Variants in ODAM observed in about 807,000 individuals in gnomAD.
ODAM encodes odontogenic ameloblast-associated protein.
ODAM carries 55 observed loss-of-function variants against 48.5 expected under a neutral mutation model. The observed-to-expected ratio is 1.13, with a 90% CI of 0.91 to 1.42. The LOEUF is 1.42. Ranked by LOEUF, ODAM falls within the 40% of genes most tolerant of loss-of-function variation. The probability of loss-of-function intolerance (pLI) is 0.00; values close to 1 mark genes in which losing one functional copy is unlikely to be tolerated. For missense variants in ODAM, 353 were observed against 323.6 expected (o/e 1.09, Z -0.70); for synonymous variants, 127 against 107.8 (o/e 1.18, Z -1.10).
rs1245276164 is a variant in ODAM, at chr4:70,204,490, T to G, written c.*345T>G. The G allele has an allele frequency of 1.3e-5, 2 of 151,986 alleles. No homozygotes were observed. Among genetic ancestry groups the G allele is most frequent in the South Asian group, 4.1e-4 (2 of 4,824 alleles). The allele number at this position is 151,986 out of a possible 1,614,324, so 9.4% of individuals were successfully genotyped here. On this transcript the variant is annotated 3_prime_UTR_variant, in exon 12 of 12. Coordinates refer to ENST00000683306, the MANE Select transcript of ODAM (RefSeq NM_017855.4). ...AAATGATGCCTCTGCAAAATGGTAG[T>G]ACCCATGAAGATATGTATATTGTCA...
At chr4:70,196,658 C>T (rs1384005556) in intron 2 of ODAM, 34 bp from the exon 3 acceptor site, 13 of 1,601,452 alleles carry the variant, frequency 8.1e-6, no homozygotes, top group African/African-American at 4.0e-5. Context: ...CTTCTTTTTA[C>T]TATTTCTGAT....
intron 6 of ODAM, 45 bp downstream of exon 6, chr4:70,198,671 C>T (rs1729433423): frequency 6.9e-7 from 1 of 1,439,154 alleles, no homozygotes; most frequent in Non-Finnish European, 9.7e-7. Context: ...GCTACATACA[C>T]TCTCCACAAT....
rs755172113 is a variant in ODAM, at chr4:70,202,333, A to G, written c.648+4A>G. 8.1e-6 allele frequency: 13 copies of G among 1,608,846 alleles called. No individual in the cohort carries two copies. The highest frequency in any genetic ancestry group is 1.3e-5 in the African/African-American group (1 of 74,698). On this transcript the variant is annotated splice_donor_region_variant and intron_variant, in intron 9 of 11. Transcript: ENST00000683306. The stretch of plus-strand genomic sequence containing the variant: ...AGCTCCTGAAATTGCTGTGATGGTA[A>G]GATTCCTTACAACACTTTGCCAGCT...
At chr4:70,202,975 G>A in intron 10 of ODAM, 58 bp downstream of exon 10, 1 of 1,486,010 alleles carries the variant, frequency 6.7e-7, no homozygotes, top group South Asian at 1.2e-5. Flanking sequence ...AAAATACAGT[G>A]ATAAAATTAG....
intron 8 of ODAM, 43 bp from the exon 9 acceptor site, chr4:70,202,215 A>G: frequency 6.8e-7 from 1 of 1,476,566 alleles, no homozygotes; most frequent in Non-Finnish European, 9.5e-7. Flanking sequence ...CATATTTTCA[A>G]CGATCACTGA....
At chr4:70,203,305 T>C (rs978449697) in intron 11 of ODAM, 91 bp downstream of exon 11, 16 of 705,254 alleles carry the variant, frequency 2.3e-5, no homozygotes, top group Admixed American at 1.6e-4. Flanking sequence ...GCTAATGGAG[T>C]TCTTACCAAA....
In ODAM at chr4:70,198,137, A is replaced by G. The variant is rs1729419378; in HGVS notation, c.355A>G (p.Thr119Ala). Residue 119 changes from threonine to alanine, a missense_variant, in exon 5 of 12, where the codon ACA (threonine) becomes GCA (alanine). By Grantham distance (58) the Thr-to-Ala change is moderately conservative. Coordinates refer to ENST00000683306, the MANE Select transcript of ODAM (RefSeq NM_017855.4). ...CTTACAGCTTCAAACACCGCCTCAG[A>G]CACAACCAGGCCCCAGTCACGTAAG... is the stretch of plus-strand genomic sequence containing the variant. ...DPLQLQTPPQ[T>A]QPGPSHVMPY... The G allele has an allele frequency of 1.9e-6, 3 of 1,613,012 alleles. No homozygotes were observed. Among genetic ancestry groups the G allele is most frequent in the Non-Finnish European group, 2.5e-6 (3 of 1,179,472 alleles).
chr4:70,197,891 G>A (rs1560482880), intron 4 of ODAM, 33 bp from the exon 5 acceptor site: 4 of 1,560,262 alleles, frequency 2.6e-6, no homozygotes, highest in Non-Finnish European at 3.5e-6. Context: ...TGGCATGAAG[G>A]GAACATGCTT....
At chr4:70,202,410 A>C in intron 9 of ODAM, 81 bp downstream of exon 9, 2 of 1,103,068 alleles carry the variant, frequency 1.8e-6, no homozygotes, top group South Asian at 1.3e-5. Context: ...TTTTAATATC[A>C]ACTCTGTTGT....
At chr4:70,201,662 G>T (rs1729496856) in intron 8 of ODAM, among the ~76,000 whole-genome samples, 161 bp downstream of exon 8, 1 of 151,866 alleles carries the variant, frequency 6.6e-6, no homozygotes, top group Admixed American at 6.6e-5. Flanking sequence ...ACACACACGT[G>T]GGGATTCTTG....
chr4:70,202,186 A>T, intron 8 of ODAM, 72 bp from the exon 9 acceptor site: 1 of 1,040,242 alleles, frequency 9.6e-7, no homozygotes, highest in Non-Finnish European at 1.5e-6. Context: ...CTACTCTGGT[A>T]CTCTGGGTGG....
rs374111066 is a variant in ODAM at position 70,200,470 on chromosome 4, C to T, written c.424-27C>T. ...GTCCTATGCTGATTTAATGGAATCT[C>T]TTGTATCCTTCTCTTTTTACAAGTA... is the stretch of plus-strand genomic sequence containing the variant. On this transcript the variant is annotated intron_variant, in intron 6 of 11. Transcript: ENST00000683306. The T allele has an allele frequency of 2.5e-5, 32 of 1,264,420 alleles. No homozygotes were observed. In the East Asian group the frequency reaches 2.8e-4, roughly 11 times the overall value. The allele number at this position is 1,264,420 out of a possible 1,614,324, so 78.3% of individuals were successfully genotyped here.
At chr4:70,197,424 C>A in intron 4 of ODAM, 103 bp downstream of exon 4, 2 of 775,302 alleles carry the variant, frequency 2.6e-6, no homozygotes, top group Non-Finnish European at 4.5e-6. Flanking sequence ...TTTTGGAAAT[C>A]TCAGTTTTTA....
At chr4:70,197,535 T>C (rs1729398446) in intron 4 of ODAM, among the ~76,000 whole-genome samples, 1 of 152,144 alleles carries the variant, frequency 6.6e-6, no homozygotes, top group Middle Eastern at 3.4e-3. Context: ...ACTTGGTATA[T>C]GCCAGGCACT....
At chr4:70,197,379 T>G (rs1729393286) in intron 4 of ODAM, 58 bp downstream of exon 4, 1 of 942,520 alleles carries the variant, frequency 1.1e-6, no homozygotes. Flanking sequence ...TCATTTATGT[T>G]ATTTTGTAAG....
rs1203601437 is a variant in ODAM at position 70,204,575 on chromosome 4, G to C, written c.*430G>C. 1 of 151,944 alleles carries C rather than the reference G, an allele frequency of 6.6e-6. No homozygotes were observed. The highest frequency in any genetic ancestry group is 6.6e-5 in the Admixed American group (1 of 15,210). 9.4% of individuals were successfully genotyped at this position (151,944 alleles called of 1,614,324 possible). On this transcript the variant is annotated 3_prime_UTR_variant, in exon 12 of 12. Coordinates refer to ENST00000683306, the MANE Select transcript of ODAM (RefSeq NM_017855.4). Reference sequence around the variant, plus strand: ...TGAAGTAAAATAAGTATCTAGATTTGACATGTCATCTCTTCATTTCCCTAA... The same window carrying C: ...TGAAGTAAAATAAGTATCTAGATTTCACATGTCATCTCTTCATTTCCCTAA...
chr4:70,202,443 T>C (rs1729520881), intron 9 of ODAM, 114 bp downstream of exon 9: 1 of 858,226 alleles, frequency 1.2e-6, no homozygotes, highest in Non-Finnish European at 1.9e-6. Flanking sequence ...AATTTTTGCT[T>C]CTTCTTCTTC....
chr4:70,203,769 A>C (rs1265012146), intron 11 of ODAM, among the ~76,000 whole-genome samples: 2 of 151,948 alleles, frequency 1.3e-5, no homozygotes. Flanking sequence ...GTAAAAACAC[A>C]CACTGAAAAG....
chr4:70,202,217 G>T, intron 8 of ODAM, 41 bp from the exon 9 acceptor site: 5 of 1,491,632 alleles, frequency 3.4e-6, no homozygotes, highest in Non-Finnish European at 3.7e-6. Flanking sequence ...TATTTTCAAC[G>T]ATCACTGATT....
Sources: gnomAD v4.1 joint callset for allele counts (sites outside exome capture counted in the v4.1 genomes callset) on GRCh38, gnomAD v4.1.1 for gene constraint, MANE v1.5 for transcripts, NCBI Gene and HGNC (gene_info 2026-07-23, HGNC 2026-07-21) for gene names.